Variants in CNTN1 observed in about 807,000 individuals in gnomAD.
The protein encoded by CNTN1 is contactin-1.
In CNTN1, 38 loss-of-function variants were observed where a neutral mutation model predicts 126.4. The observed-to-expected ratio is 0.30, with a 90% CI of 0.23 to 0.39. CNTN1 has a LOEUF of 0.39. CNTN1 is among the 10% of genes least tolerant of loss of function. CNTN1 has a pLI of 1.00. For missense variants in CNTN1, 1,009 were observed against 1,248.4 expected (o/e 0.81, Z 2.89); for synonymous variants, 413 against 422.6 (o/e 0.98, Z 0.28).
At chr12:40,730,490 A>C (rs1942467560) in intron 1 of CNTN1, among the ~76,000 whole-genome samples, 1 of 152,198 alleles carries the variant, frequency 6.6e-6, no homozygotes, top group South Asian at 2.1e-4. Flanking sequence ...GTAACTGTCC[A>C]TGGTATCCTG....
chr12:40,818,512 C>A (rs1395743560), intron 1 of CNTN1, among the ~76,000 whole-genome samples: 1 of 152,178 alleles, frequency 6.6e-6, no homozygotes, highest in Non-Finnish European at 1.5e-5. Context: ...TGTTTTTCAG[C>A]TCCATCATGT....
chr12:40,923,079 TCA>T (rs2136876504), intron 5 of CNTN1, among the ~76,000 whole-genome samples: 1 of 151,736 alleles, frequency 6.6e-6, no homozygotes, highest in African/African-American at 2.4e-5. Flanking sequence ...GAAGAAAATG[TCA>T]CATATTGCAA....
At chr12:40,950,471 A>C (rs1946632531) in intron 14 of CNTN1, among the ~76,000 whole-genome samples, 1 of 152,154 alleles carries the variant, frequency 6.6e-6, no homozygotes, top group Non-Finnish European at 1.5e-5. Context: ...AAGACTCTTA[A>C]ATTTTGATGA....
At chr12:40,973,568 G>A (rs890945181) in intron 15 of CNTN1, among the ~76,000 whole-genome samples, 3 of 152,034 alleles carry the variant, frequency 2.0e-5, no homozygotes, top group Admixed American at 6.6e-5. Context: ...ATATTTTTAC[G>A]TGGTGCTTTG....
chr12:40,936,922 G>A lies in CNTN1; in HGVS notation c.1110+17G>A. ...GGATATGCGGTATGTATGTTCAAGT[G>A]CTTTGCTGTTCCTGAGTCCCTGTTC... On this transcript the variant is annotated intron_variant, in intron 10 of 23. Transcript: ENST00000551295. 6.2e-7 allele frequency: 1 copy of A among 1,612,220 alleles called. No individual in the cohort carries two copies. Among genetic ancestry groups the A allele is most frequent in the Non-Finnish European group, 8.5e-7 (1 of 1,178,728 alleles).
chr12:40,718,489 C>T (rs1942106133), intron 1 of CNTN1, among the ~76,000 whole-genome samples: 2 of 152,088 alleles, frequency 1.3e-5, no homozygotes, highest in South Asian at 4.1e-4. Flanking sequence ...TTTTTCAGTG[C>T]CTTCTCCGAT....
intron 1 of CNTN1, among the ~76,000 whole-genome samples, chr12:40,721,399 T>A (rs1942208430): frequency 6.6e-6 from 1 of 152,012 alleles, no homozygotes. Flanking sequence ...CATATAAAGG[T>A]CTCTAAAAAC....
At chr12:40,921,757 C>A (rs1017070560) in intron 4 of CNTN1, among the ~76,000 whole-genome samples, 9 of 152,142 alleles carry the variant, frequency 5.9e-5, no homozygotes, top group Admixed American at 6.5e-5. Context: ...TGACTGACCT[C>A]TAGTGGTCAG....
intron 1 of CNTN1, among the ~76,000 whole-genome samples, chr12:40,889,306 C>A (rs543907050): frequency 5.9e-5 from 9 of 152,030 alleles, no homozygotes; most frequent in African/African-American, 1.2e-4. Context: ...GAAAACAAAA[C>A]AAAATTGTTA....
rs527942017 is a variant in CNTN1 at position 41,031,005 on chromosome 12, C to T, written c.2980+1786C>T. The stretch of plus-strand genomic sequence containing the variant: ...AAAGCACAAATAACTAAATAAATTG[C>T]TCTTGAACCCTGGGCCTTCTTTCTC... On this transcript the variant is annotated intron_variant, in intron 23 of 23. Coordinates refer to ENST00000551295, the MANE Select transcript of CNTN1 (RefSeq NM_001843.4). Among the ~76,000 whole-genome samples the T allele has an allele frequency of 3.3e-5, 5 of 152,226 alleles. No individual in the cohort carries two copies. The South Asian group carries it at 1.0e-3, about 32-fold the overall frequency.
chr12:40,701,275 A>G (rs77972954), intron 1 of CNTN1, among the ~76,000 whole-genome samples: 3,460 of 152,306 alleles, frequency 0.023, 58 homozygotes, highest in African/African-American at 0.048. Flanking sequence ...TTTCCCAAGC[A>G]TGAATTGGAC....
chr12:40,886,449 C>T lies in CNTN1; in HGVS notation c.-76-21908C>T, dbSNP rs191939794. Among the ~76,000 whole-genome samples the T allele has an allele frequency of 1.1e-4, 16 of 152,008 alleles. No homozygotes were observed. The East Asian group carries it at 2.3e-3, about 22-fold the overall frequency. On this transcript the variant is annotated intron_variant, in intron 1 of 23. Transcript: ENST00000551295. ...GCTGTAAAAGTTAAGAGTCTTTTATCGTAGATTCTGGATATTAGCCCTTTG... is the reference window on the plus strand; with the variant it reads ...GCTGTAAAAGTTAAGAGTCTTTTATTGTAGATTCTGGATATTAGCCCTTTG...
rs574905541 is a variant in CNTN1, at chr12:41,030,350, C to G, written c.2980+1131C>G. Among the ~76,000 whole-genome samples, 433 of 151,998 alleles carry G rather than the reference C, an allele frequency of 2.8e-3. 2 individuals are homozygous for G. The highest frequency in any genetic ancestry group is 0.01 in the African/African-American group (415 of 41,488). ...TGCCATGTTTTTGTGAAGTTTGCCA[C>G]AATACATATATACATCCTTTACAAA... On this transcript the variant is annotated intron_variant, in intron 23 of 23. Transcript: ENST00000551295.
intron 23 of CNTN1, among the ~76,000 whole-genome samples, chr12:41,030,518 G>T (rs933843611): frequency 6.6e-6 from 1 of 152,000 alleles, no homozygotes; most frequent in Non-Finnish European, 1.5e-5. Flanking sequence ...ATGCTTAGTT[G>T]AATTTACTTA....
rs191135986 is a variant in CNTN1, at chr12:40,701,214, T to A, written c.-77+8622T>A. Among the ~76,000 whole-genome samples, 758 of 152,322 alleles carry A rather than the reference T, an allele frequency of 5.0e-3. 4 individuals are homozygous for A. Among genetic ancestry groups the A allele is most frequent in the African/African-American group, 0.014 (589 of 41,576 alleles). On this transcript the variant is annotated intron_variant, in intron 1 of 23. Transcript: ENST00000551295. ...TCATTCTAAATTTGCATATGTTTTA[T>A]TTATGAATATCTTATTGATATCTTT...
rs565420661 is a variant in CNTN1, at chr12:40,857,743, A to G, written c.-76-50614A>G. On this transcript the variant is annotated intron_variant, in intron 1 of 23. Coordinates refer to ENST00000551295, the MANE Select transcript of CNTN1 (RefSeq NM_001843.4). Reference sequence around the variant, plus strand: ...GAAAAGTCAGTCATTGTCACCTTCCAGGTACAAAAAGCTGAGCTCTGCATA... The same window carrying G: ...GAAAAGTCAGTCATTGTCACCTTCCGGGTACAAAAAGCTGAGCTCTGCATA... Among the ~76,000 whole-genome samples the G allele has an allele frequency of 3.3e-5, 5 of 152,250 alleles. No individual in the cohort carries two copies. The South Asian group carries it at 8.3e-4, about 25-fold the overall frequency.
intron 1 of CNTN1, among the ~76,000 whole-genome samples, chr12:40,817,157 C>A (rs1941283484): frequency 6.6e-6 from 1 of 152,104 alleles, no homozygotes; most frequent in Non-Finnish European, 1.5e-5. Flanking sequence ...TAGATGTCTA[C>A]TAGGTCCCCT....
chr12:40,972,303 A>G, intron 15 of CNTN1: 3 of 985,316 alleles, frequency 3.0e-6, no homozygotes, highest in Non-Finnish European at 3.6e-6. Context: ...ATTAAAATTG[A>G]GGAGTATATA....
chr12:40,800,262 T>G (rs1403765091), intron 1 of CNTN1, among the ~76,000 whole-genome samples: 1 of 151,914 alleles, frequency 6.6e-6, no homozygotes, highest in African/African-American at 2.4e-5. Context: ...ACGAAGAAGG[T>G]GCCTACTTCT....
Sources: gnomAD v4.1 joint callset for allele counts (sites outside exome capture counted in the v4.1 genomes callset) on GRCh38, gnomAD v4.1.1 for gene constraint, MANE v1.5 for transcripts, NCBI Gene and HGNC (gene_info 2026-07-23, HGNC 2026-07-21) for gene names.